The following HDAC7 variants were observed in gnomAD, a reference collection of about 807,000 sequenced individuals.
HDAC7 encodes the protein histone deacetylase 7.
HDAC7 carries 26 observed loss-of-function variants against 115.5 expected under a neutral mutation model. The ratio of observed to expected loss-of-function variants is 0.23; its 90% CI spans 0.16 to 0.31. HDAC7 has a LOEUF of 0.31. Among genes scored for constraint, HDAC7 ranks in the 10% least tolerant of loss-of-function variants. The pLI is 1.00. For synonymous variants in HDAC7, 564 were observed against 550.9 expected, an observed-to-expected ratio of 1.02 and a Z score of -0.33; for missense variants, 1,068 against 1,329.0, an observed-to-expected ratio of 0.80 and a Z score of 3.05.
intron 1 of HDAC7, among the ~76,000 whole-genome samples, chr12:47,816,160 G>A (rs1944843813): frequency 6.6e-6 from 1 of 152,042 alleles, no homozygotes; most frequent in African/African-American, 2.4e-5. Context: ...CCAAAGTGCT[G>A]GGATTACAGG....
intron 1 of HDAC7, among the ~76,000 whole-genome samples, chr12:47,809,496 T>C (rs1944557121): frequency 6.6e-6 from 1 of 152,224 alleles, no homozygotes; most frequent in Admixed American, 6.5e-5. Context: ...CATGTGTTAA[T>C]GCTTACTGTG....
Position 47,787,754 on chromosome 12 carries a change from A to G in HDAC7, c.2411T>C (p.Leu804Pro), listed in dbSNP as rs1943250830. 6.2e-7 allele frequency: 1 copy of G among 1,612,538 alleles called. No homozygotes were observed. Among genetic ancestry groups the G allele is most frequent in the African/African-American group, 1.3e-5 (1 of 74,828 alleles). ...FNVNVAWAGGLDPPMGDPEYL... is the reference protein window; with the variant it reads ...FNVNVAWAGGPDPPMGDPEYL... ...CTCAGGATCCCCCATGGGGGGGTCC[A>G]GACCTCCAGCCCAGGCCACATTGAC... The change falls in exon 21 of 26, where the codon CTG (leucine) becomes CCG (proline). Residue 804 changes from leucine (L) to proline (P), a missense_variant. Physicochemically the swap from Leu to Pro is moderately conservative, Grantham distance 98. Coordinates refer to ENST00000080059, the MANE Select transcript of HDAC7 (RefSeq NM_015401.5).
intron 24 of HDAC7, 105 bp from the exon 25 acceptor site, chr12:47,784,322 G>T: frequency 7.7e-7 from 1 of 1,293,174 alleles, no homozygotes. Context: ...GGGCCCCGGA[G>T]GAGCGGGCCT....
rs557814451 is a variant in HDAC7 at position 47,811,729 on chromosome 12, G to A, written c.19+8038C>T. On this transcript the variant is annotated intron_variant, in intron 1 of 25. Coordinates refer to ENST00000080059, the MANE Select transcript of HDAC7 (RefSeq NM_015401.5). The stretch of plus-strand genomic sequence containing the variant: ...AGTCAAAGTGTGACCTCGGGCTCCC[G>A]TGAGCATTAGTCCACAGGGTTTTCA... 1.2e-4 allele frequency among the ~76,000 whole-genome samples: 18 copies of A among 152,312 alleles called. No homozygotes were observed. In the East Asian group the frequency reaches 1.7e-3, roughly 15 times the overall value.
Position 47,784,708 on chromosome 12 carries a change from G to A in HDAC7, c.2792-491C>T, listed in dbSNP as rs558785659. 159 of 1,535,082 alleles carry A rather than the reference G, an allele frequency of 1.0e-4. 2 individuals are homozygous for A. In the East Asian group the frequency reaches 1.7e-3, roughly 16 times the overall value. ...GGGAGAACTGACCATCACCACGGCCGCTCTGCATGGGTGCCCAGGCCAGGA... is the reference window on the plus strand; with the variant it reads ...GGGAGAACTGACCATCACCACGGCCACTCTGCATGGGTGCCCAGGCCAGGA... On this transcript the variant is annotated intron_variant, in intron 24 of 25. Coordinates refer to ENST00000080059, the MANE Select transcript of HDAC7 (RefSeq NM_015401.5).
chr12:47,792,457 C>T (rs1406346536), intron 13 of HDAC7: 6 of 338,582 alleles, frequency 1.8e-5, no homozygotes, highest in Non-Finnish European at 3.5e-5. Context: ...ACCCCCAAAC[C>T]GGGAGCTAAG....
chr12:47,790,796 G>A (rs532080532), intron 16 of HDAC7: 23 of 207,268 alleles, frequency 1.1e-4, no homozygotes, highest in South Asian at 7.6e-4. Context: ...GCTATGTCCC[G>A]GAGTGGGGAG....
chr12:47,784,479 G>T lies in HDAC7; in HGVS notation c.2792-262C>A, dbSNP rs149634466. On this transcript the variant is annotated intron_variant, in intron 24 of 25. Coordinates refer to ENST00000080059, the MANE Select transcript of HDAC7 (RefSeq NM_015401.5). ...CCCAGCCTTTCTCTCATCCCCTGTGGCTGCAAGGCCACCTTTGACTCATTC... is the reference window on the plus strand; with the variant it reads ...CCCAGCCTTTCTCTCATCCCCTGTGTCTGCAAGGCCACCTTTGACTCATTC... 5.7e-4 allele frequency: 344 copies of T among 601,140 alleles called. No homozygotes were observed. In the African/African-American group the frequency reaches 5.9e-3, roughly 10 times the overall value. 37.2% of individuals were successfully genotyped at this position (601,140 alleles called of 1,614,324 possible).
intron 11 of HDAC7, 51 bp from the exon 12 acceptor site, chr12:47,794,984 G>T: frequency 6.5e-7 from 1 of 1,548,082 alleles, no homozygotes; most frequent in Non-Finnish European, 8.8e-7. Context: ...GAGGGGCATG[G>T]GGTGGGAGGT....
chr12:47,816,916 A>G (rs1012137681), intron 1 of HDAC7, among the ~76,000 whole-genome samples: 23 of 152,096 alleles, frequency 1.5e-4, no homozygotes, highest in Admixed American at 6.5e-5. Flanking sequence ...CCGCGAGTCC[A>G]TGCTCACTCA....
At position 47,791,422 on chromosome 12, in the gene HDAC7, AAGGGAGAGGTGGAGGTGGGCTGAGG is replaced by A. The variant is rs1203257710; in HGVS notation, c.1933+139_1934-115del. 3.6e-6 allele frequency: 5 copies of A among 1,373,344 alleles called. No individual in the cohort carries two copies. In the African/African-American group the frequency reaches 4.4e-5, roughly 12 times the overall value. The allele number at this position is 1,373,344 out of a possible 1,614,324, so 85.1% of individuals were successfully genotyped here. ...TGAGTATTGGGGGAGAGAAATATGGAAGGGAGAGGTGGAGGTGGGCTGAGGAGGGGCTTGGCAGCAAGCTGGAGTA... is the reference window on the plus strand; with the variant it reads ...TGAGTATTGGGGGAGAGAAATATGGAAGGGGCTTGGCAGCAAGCTGGAGTA... On this transcript the variant is annotated intron_variant, in intron 15 of 25. Transcript: ENST00000080059.
intron 1 of HDAC7, among the ~76,000 whole-genome samples, chr12:47,805,237 A>G (rs766232801): frequency 1.3e-5 from 2 of 150,534 alleles, no homozygotes; most frequent in Non-Finnish European, 3.0e-5. Context: ...GCCTGGCTAA[A>G]TTTTTTTTGT....
chr12:47,790,124 A>G, intron 16 of HDAC7: 1 of 585,182 alleles, frequency 1.7e-6, no homozygotes, highest in Non-Finnish European at 3.1e-6. Flanking sequence ...CTTAAGTCCC[A>G]GCACCAGCCC....
At chr12:47,807,989 C>G (rs1196564430) in intron 1 of HDAC7, among the ~76,000 whole-genome samples, 1 of 152,218 alleles carries the variant, frequency 6.6e-6, no homozygotes. Context: ...GAGGAGCCAG[C>G]TGCCCATCAG....
chr12:47,812,574 A>G (rs1258192868), intron 1 of HDAC7, among the ~76,000 whole-genome samples: 2 of 152,202 alleles, frequency 1.3e-5, no homozygotes, highest in African/African-American at 4.8e-5. Context: ...AAATGTGCCC[A>G]TAATCACACT....
At chr12:47,796,080 G>C in intron 8 of HDAC7, 64 bp from the exon 9 acceptor site, 1 of 1,527,674 alleles carries the variant, frequency 6.5e-7, no homozygotes, top group African/African-American at 1.4e-5. Flanking sequence ...ACCTTCCCCA[G>C]AACACCCAGG....
chr12:47,808,666 A>G (rs1406025536), intron 1 of HDAC7, among the ~76,000 whole-genome samples: 1 of 152,146 alleles, frequency 6.6e-6, no homozygotes, highest in Non-Finnish European at 1.5e-5. Flanking sequence ...CCTTCCCTGC[A>G]AGTCCATTGT....
chr12:47,798,959 G>A lies in HDAC7; in HGVS notation c.84C>T (p.Pro28=), dbSNP rs1944027476. Residue 28 remains proline, a synonymous_variant, in exon 3 of 26, where the codon CCC becomes CCT. Coordinates refer to ENST00000080059, the MANE Select transcript of HDAC7 (RefSeq NM_015401.5). This position sits in a 1 kb window ranked among gnomAD's most constrained non-coding sequence, Gnocchi z 4.3. ...GCTGAGGGCCTGGTGTGTCTGCACA[G>A]GGCCTGGGGCAGCCTAGGGACAGAG... ...CSPTGAGCPR[P]CADTPGPQPQ... is the part of the protein sequence containing the mutation. 8 of 1,508,064 alleles carry A rather than the reference G, an allele frequency of 5.3e-6. No homozygotes were observed. The highest frequency in any genetic ancestry group is 1.3e-5 in the South Asian group (1 of 77,346). The allele number at this position is 1,508,064 out of a possible 1,614,324, so 93.4% of individuals were successfully genotyped here.
Position 47,798,234 on chromosome 12 carries a change from T to G in HDAC7, c.350-15A>C. 6.3e-7 allele frequency: 1 copy of G among 1,598,878 alleles called. No individual in the cohort carries two copies. Among genetic ancestry groups the G allele is most frequent in the Non-Finnish European group, 8.6e-7 (1 of 1,166,808 alleles). On this transcript the variant is annotated splice_polypyrimidine_tract_variant and intron_variant, in intron 4 of 25. Transcript: ENST00000080059. This position sits in a 1 kb window ranked among gnomAD's most constrained non-coding sequence, Gnocchi z 4.3. ...GGCTACAGCACCTGTAGGGGCAGAG[T>G]CAGGAGGGGGCTGGAGGTGGGTGGA...
Sources: gnomAD v4.1 joint callset for allele counts (sites outside exome capture counted in the v4.1 genomes callset) on GRCh38, gnomAD v4.1.1 for gene constraint, Gnocchi (gnomAD v3.1) non-coding constraint, MANE v1.5 for transcripts, NCBI Gene and HGNC (gene_info 2026-07-23, HGNC 2026-07-21) for gene names.